The following ROBO2 variants were observed in gnomAD, a reference collection of about 807,000 sequenced individuals.
ROBO2 encodes the protein roundabout homolog 2.
A neutral mutation model predicts 160.8 loss-of-function variants in ROBO2; 53 were observed. The ratio of observed to expected loss-of-function variants is 0.33; its 90% CI spans 0.26 to 0.41. The LOEUF is 0.41. Among genes scored for constraint, ROBO2 ranks in the 10% least tolerant of loss-of-function variants. ROBO2 has a pLI of 1.00. For missense variants in ROBO2, 1,577 were observed against 1,722.4 expected (o/e 0.92, Z 1.49); for synonymous variants, 664 against 611.7 (o/e 1.09, Z -1.26).
chr3:77,399,095 T>C (rs1024819887), intron 2 of ROBO2, among the ~76,000 whole-genome samples: 1 of 152,182 alleles, frequency 6.6e-6, no homozygotes, highest in Non-Finnish European at 1.5e-5. Context: ...CCAAGTTTGA[T>C]TTTTTAAAAA....
chr3:77,404,888 T>G (rs993892097), intron 2 of ROBO2, among the ~76,000 whole-genome samples: 6 of 152,158 alleles, frequency 3.9e-5, no homozygotes, highest in African/African-American at 1.2e-4. Context: ...GATTTCAATA[T>G]GTGCTGAGTA....
At chr3:77,577,382 T>C in intron 14 of ROBO2, 108 bp from the exon 16 acceptor site, 1 of 1,435,174 alleles carries the variant, frequency 7.0e-7, no homozygotes, top group African/African-American at 1.4e-5. Flanking sequence ...TCAGAACTCC[T>C]GGAAGCCAGA....
intron 2 of ROBO2, among the ~76,000 whole-genome samples, chr3:76,019,679 G>A (rs2107656250): frequency 6.6e-6 from 1 of 151,686 alleles, no homozygotes; most frequent in South Asian, 2.1e-4. Flanking sequence ...TCTTGGAATT[G>A]TCTAATATTT....
chr3:76,585,504 A>G (rs2085976332), intron 2 of ROBO2, among the ~76,000 whole-genome samples: 2 of 152,198 alleles, frequency 1.3e-5, no homozygotes, highest in South Asian at 2.1e-4. Flanking sequence ...TTCTGATGCA[A>G]TAGGTCTAGG....
At chr3:76,611,194 C>T (rs1279737150) in intron 2 of ROBO2, among the ~76,000 whole-genome samples, 2 of 152,136 alleles carry the variant, frequency 1.3e-5, no homozygotes, top group Non-Finnish European at 2.9e-5. Flanking sequence ...CCATCTGGAA[C>T]TGGCAGATGG....
chr3:75,965,072 C>A (rs2107310065), intron 2 of ROBO2: 1 of 151,734 alleles, frequency 6.6e-6, no homozygotes, highest in Admixed American at 6.6e-5. Context: ...GACTAGCCTG[C>A]TAATTTATTT....
chr3:76,881,885 T>C (rs1172832836), intron 2 of ROBO2, among the ~76,000 whole-genome samples: 1 of 152,132 alleles, frequency 6.6e-6, no homozygotes, highest in East Asian at 1.9e-4. Context: ...TTGTAATTAC[T>C]GTTTGGCTGG....
chr3:77,462,511 G>T (rs2082346708), intron 2 of ROBO2, among the ~76,000 whole-genome samples: 1 of 152,126 alleles, frequency 6.6e-6, no homozygotes, highest in African/African-American at 2.4e-5. Flanking sequence ...GTGGAAAATT[G>T]CCATTTGTGT....
chr3:77,625,465 C>A (rs928388055), intron 23 of ROBO2, among the ~76,000 whole-genome samples: 1 of 151,984 alleles, frequency 6.6e-6, no homozygotes, highest in African/African-American at 2.4e-5. Context: ...GCAACCTATC[C>A]CTCTCGGGTT....
chr3:76,003,328 A>G (rs1436713837), intron 2 of ROBO2, among the ~76,000 whole-genome samples: 1 of 152,172 alleles, frequency 6.6e-6, no homozygotes, highest in African/African-American at 2.4e-5. Context: ...TTCAATTTAT[A>G]CTGTCATAGA....
chr3:76,674,009 A>G (rs556581785), intron 2 of ROBO2, among the ~76,000 whole-genome samples: 1 of 152,246 alleles, frequency 6.6e-6, no homozygotes, highest in South Asian at 2.1e-4. Flanking sequence ...TCTTTCATAC[A>G]TTCAGAGTTG....
intron 1 of ROBO2, among the ~76,000 whole-genome samples, chr3:77,062,458 G>A (rs750183164): frequency 4.6e-5 from 7 of 152,188 alleles, no homozygotes; most frequent in African/African-American, 7.2e-5. Flanking sequence ...TGTGGAACTC[G>A]TGTATCCAAG....
chr3:76,070,498 A>G (rs1468039570), intron 2 of ROBO2, among the ~76,000 whole-genome samples: 7 of 152,156 alleles, frequency 4.6e-5, no homozygotes, highest in Admixed American at 2.6e-4. Flanking sequence ...GTTATCAATG[A>G]CAATGGTGCC....
intron 2 of ROBO2, among the ~76,000 whole-genome samples, chr3:76,185,223 C>CAA (rs1701704767): frequency 7.5e-5 from 1 of 13,264 alleles, no homozygotes; most frequent in Non-Finnish European, 2.2e-4. Flanking sequence ...TATACACACA[C>CAA]AAAGATGTTA....
At chr3:77,556,602 A>G (rs2093131687) in intron 8 of ROBO2, among the ~76,000 whole-genome samples, 1 of 151,866 alleles carries the variant, frequency 6.6e-6, no homozygotes, top group Non-Finnish European at 1.5e-5. Flanking sequence ...AGTAAATTGG[A>G]AAGATAGTAA....
chr3:77,429,412 A>G (rs1347686222), intron 2 of ROBO2, among the ~76,000 whole-genome samples: 1 of 152,126 alleles, frequency 6.6e-6, no homozygotes, highest in Non-Finnish European at 1.5e-5. Context: ...AAGTAAAATG[A>G]TATTTCTCCC....
At chr3:76,010,888 A>G (rs570461307) in intron 2 of ROBO2, among the ~76,000 whole-genome samples, 12 of 152,194 alleles carry the variant, frequency 7.9e-5, no homozygotes, top group Non-Finnish European at 1.6e-4. Context: ...GTAAATAAAT[A>G]TCTCATTTAG....
At chr3:77,174,839 A>G (rs2079979772) in intron 2 of ROBO2, among the ~76,000 whole-genome samples, 1 of 152,070 alleles carries the variant, frequency 6.6e-6, no homozygotes, top group South Asian at 2.1e-4. Context: ...AAATTCTATA[A>G]GATTTCATGG....
intron 2 of ROBO2, among the ~76,000 whole-genome samples, chr3:76,171,096 T>A (rs997590790): frequency 6.6e-6 from 1 of 152,198 alleles, no homozygotes; most frequent in Admixed American, 6.5e-5. Context: ...TAGTCTGATA[T>A]AAGATCTCCC....
Sources: gnomAD v4.1 joint callset for allele counts (sites outside exome capture counted in the v4.1 genomes callset) on GRCh38, gnomAD v4.1.1 for gene constraint, MANE v1.5 for transcripts, NCBI Gene and HGNC (gene_info 2026-07-23, HGNC 2026-07-21) for gene names.